Variants in KDM2B observed in about 807,000 individuals in gnomAD.
The protein encoded by KDM2B is lysine demethylase 2B, also known as lysine-specific demethylase 2B.
Under a neutral mutation model 150.0 loss-of-function variants are expected in KDM2B, and 26 were observed. That is an observed-to-expected ratio of 0.17 (90% CI 0.13 to 0.24). The LOEUF (loss-of-function observed/expected upper bound fraction) is 0.24, where lower values mean the gene tolerates loss of function less well. Among genes scored for constraint, KDM2B ranks in the 10% least tolerant of loss-of-function variants. The pLI is 1.00. For synonymous variants in KDM2B, 734 were observed against 729.5 expected (o/e 1.01, Z -0.10); for missense variants, 1,265 against 1,816.9 (o/e 0.70, Z 5.52).
chr12:121,527,332 G>A, intron 8 of KDM2B, among the ~76,000 whole-genome samples: 1 of 123,706 alleles, frequency 8.1e-6, no homozygotes, highest in African/African-American at 3.0e-5. Flanking sequence ...ACAGGCGTGA[G>A]CCACTGTGCC....
chr12:121,430,123 TC>T lies in KDM2B; in HGVS notation c.*164del. 1.2e-6 allele frequency: 2 copies of T among 1,613,078 alleles called. No homozygotes were observed. Among genetic ancestry groups the T allele is most frequent in the Non-Finnish European group, 1.7e-6 (2 of 1,179,138 alleles). ...CCAAAGGAAAGTGTCGGCTCACTCA[TC>T]CCCCAAACGGGTGGTTGAACAGCTT... On this transcript the variant is annotated 3_prime_UTR_variant, in exon 23 of 23. Coordinates refer to ENST00000377071, the MANE Select transcript of KDM2B (RefSeq NM_032590.5). The surrounding 1 kb of genome is among the most constrained non-coding windows in gnomAD (Gnocchi z 4.4).
chr12:121,530,827 T>C (rs1413646165), intron 8 of KDM2B, among the ~76,000 whole-genome samples: 2 of 152,064 alleles, frequency 1.3e-5, no homozygotes, highest in African/African-American at 4.8e-5. Flanking sequence ...GGAAAAGTGA[T>C]GAGCCACCTC....
At position 121,488,921 on chromosome 12, in the gene KDM2B, G is replaced by A. The variant is rs1883058291; in HGVS notation, c.1734+5658C>T. On this transcript the variant is annotated intron_variant, in intron 12 of 22. Transcript: ENST00000377071. ...CTGGGTTCAAGCAATTCTCCTTCCT[G>A]CCTGAGCCTCTCGAGTAGCTGGGAT... 2.0e-5 allele frequency among the ~76,000 whole-genome samples: 3 copies of A among 152,216 alleles called. No homozygotes were observed. In the South Asian group the frequency reaches 6.2e-4, roughly 32 times the overall value.
Position 121,430,834 on chromosome 12 carries a change from T to C in KDM2B, c.3830-365A>G, listed in dbSNP as rs1410071933. On this transcript the variant is annotated intron_variant, in intron 22 of 22. Transcript: ENST00000377071. The surrounding 1 kb of genome is among the most constrained non-coding windows in gnomAD (Gnocchi z 4.4). Reference sequence around the variant, plus strand: ...AGTAGCTTGCTTTTCTCATCTAATATGTTGTTGATGAGTACTGCTCTATGT... The same window carrying C: ...AGTAGCTTGCTTTTCTCATCTAATACGTTGTTGATGAGTACTGCTCTATGT... 2.6e-5 allele frequency among the ~76,000 whole-genome samples: 4 copies of C among 152,226 alleles called. No homozygotes were observed. Among genetic ancestry groups the C allele is most frequent in the Admixed American group, 1.3e-4 (2 of 15,282 alleles).
chr12:121,547,843 A>G (rs2141974281), intron 6 of KDM2B, among the ~76,000 whole-genome samples: 1 of 151,602 alleles, frequency 6.6e-6, no homozygotes, highest in East Asian at 1.9e-4. Flanking sequence ...GAGTTTTGCC[A>G]TGTTGGTCTG....
intron 9 of KDM2B, among the ~76,000 whole-genome samples, chr12:121,519,124 C>A (rs1254739141): frequency 6.6e-6 from 1 of 152,226 alleles, no homozygotes; most frequent in Non-Finnish European, 1.5e-5. Context: ...CAGAGGTACA[C>A]ATGCCTCACA....
At chr12:121,526,673 T>G (rs1352128068) in intron 8 of KDM2B, among the ~76,000 whole-genome samples, 4 of 152,170 alleles carry the variant, frequency 2.6e-5, no homozygotes, top group Admixed American at 6.5e-5. Context: ...TGCAATGAGC[T>G]GTGATCACAA....
At chr12:121,437,887 ATTTTT>A (rs200245718) in intron 22 of KDM2B, among the ~76,000 whole-genome samples, 1 of 148,004 alleles carries the variant, frequency 6.8e-6, no homozygotes, top group Non-Finnish European at 1.5e-5. Flanking sequence ...TGAGAGGGGA[ATTTTT>A]TTTTTTTTTA....
At chr12:121,447,601 C>T (rs1046793949) in intron 13 of KDM2B, among the ~76,000 whole-genome samples, 3 of 152,018 alleles carry the variant, frequency 2.0e-5, no homozygotes, top group Non-Finnish European at 4.4e-5. Context: ...TATAAAACAA[C>T]GCCATTCTTC....
intron 12 of KDM2B, among the ~76,000 whole-genome samples, chr12:121,488,468 G>A (rs1471854165): frequency 3.3e-5 from 5 of 152,186 alleles, no homozygotes; most frequent in Admixed American, 3.3e-4. Context: ...ACCTTTCACA[G>A]ATGAGTAAAC....
intron 14 of KDM2B, 194 bp downstream of exon 14, chr12:121,445,081 T>C: frequency 1.7e-6 from 1 of 601,758 alleles, no homozygotes; most frequent in African/African-American, 1.9e-5. Flanking sequence ...TTTATTCCTT[T>C]GATGACACTG....
At chr12:121,435,774 C>T (rs1555286630) in intron 22 of KDM2B, among the ~76,000 whole-genome samples, 1 of 152,172 alleles carries the variant, frequency 6.6e-6, no homozygotes, top group East Asian at 1.9e-4. Context: ...GAGAGTCTTT[C>T]TGGCAATCCT....
intron 4 of KDM2B, among the ~76,000 whole-genome samples, chr12:121,550,496 T>C (rs1594106988): frequency 6.6e-6 from 1 of 152,122 alleles, no homozygotes; most frequent in East Asian, 1.9e-4. Flanking sequence ...GACCCAGAAG[T>C]TAAGAATTTT....
intron 6 of KDM2B, among the ~76,000 whole-genome samples, chr12:121,536,450 A>C (rs898792904): frequency 6.6e-6 from 1 of 151,816 alleles, no homozygotes; most frequent in African/African-American, 2.4e-5. Context: ...CAAAGTCCCG[A>C]CTCTGGGCTC....
intron 12 of KDM2B, among the ~76,000 whole-genome samples, chr12:121,466,792 G>T (rs1466383608): frequency 9.6e-5 from 14 of 146,380 alleles, no homozygotes; most frequent in African/African-American, 3.4e-4. Flanking sequence ...CGTGGGCCGC[G>T]GGCGAGGGCG....
In KDM2B at chr12:121,473,654, G is replaced by C. The variant is rs937884385; in HGVS notation, c.1735-20310C>G. ...GTAAAGCTTGAACCAGGGAGGCAGA[G>C]GTTGCAGTGAGACAAGATTGAGCCA... is the stretch of plus-strand genomic sequence containing the variant. On this transcript the variant is annotated intron_variant, in intron 12 of 22. Coordinates refer to ENST00000377071, the MANE Select transcript of KDM2B (RefSeq NM_032590.5). 8.1e-5 allele frequency among the ~76,000 whole-genome samples: 12 copies of C among 148,616 alleles called. No homozygotes were observed. In the Admixed American group the frequency reaches 8.2e-4, roughly 10 times the overall value.
At chr12:121,494,788 C>A in intron 11 of KDM2B, 123 bp from the exon 12 acceptor site, 1 of 622,390 alleles carries the variant, frequency 1.6e-6, no homozygotes. Flanking sequence ...GCCATTGACT[C>A]CACCACCACC....
chr12:121,426,438 A>ACCCC (rs1372576895), downstream of KDM2B, among the ~76,000 whole-genome samples: 3 of 110,474 alleles, frequency 2.7e-5, no homozygotes, highest in African/African-American at 1.3e-4. Context: ...ATGCCTTTCT[A>ACCCC]CCCCCTCCCC....
At position 121,549,703 on chromosome 12, in the gene KDM2B, C is replaced by T. The variant is rs573142611; in HGVS notation, c.398-65G>A. On this transcript the variant is annotated intron_variant, in intron 4 of 22. Coordinates refer to ENST00000377071, the MANE Select transcript of KDM2B (RefSeq NM_032590.5). This position sits in a 1 kb window ranked among gnomAD's most constrained non-coding sequence, Gnocchi z 4.4. Reference sequence around the variant, plus strand: ...TAAGGCTCCAGATCCTACATGGGAGCCCCTCACTAAACAAAAGCTGCTCCT... The same window carrying T: ...TAAGGCTCCAGATCCTACATGGGAGTCCCTCACTAAACAAAAGCTGCTCCT... The T allele has an allele frequency of 9.0e-6, 13 of 1,440,916 alleles. No individual in the cohort carries two copies. Among genetic ancestry groups the T allele is most frequent in the South Asian group, 8.4e-5 (6 of 71,254 alleles). The allele number at this position is 1,440,916 out of a possible 1,614,324, so 89.3% of individuals were successfully genotyped here. A position where few individuals can be genotyped will look rare whatever the true frequency, so the allele number is the denominator to read the frequency against.
Sources: gnomAD v4.1 joint callset for allele counts (sites outside exome capture counted in the v4.1 genomes callset) on GRCh38, gnomAD v4.1.1 for gene constraint, Gnocchi (gnomAD v3.1) non-coding constraint, MANE v1.5 for transcripts, NCBI Gene and HGNC (gene_info 2026-07-23, HGNC 2026-07-21) for gene names.